The following KCTD17 variants were observed in gnomAD, a reference collection of about 807,000 sequenced individuals.
KCTD17 encodes BTB/POZ domain-containing protein KCTD17.
In KCTD17, 20 loss-of-function variants were observed where a neutral mutation model predicts 41.5. That is an observed-to-expected ratio of 0.48 (90% CI 0.34 to 0.70). KCTD17 has a LOEUF of 0.70. KCTD17 is among the 30% of genes least tolerant of loss of function. The pLI, the probability that KCTD17 is intolerant of heterozygous loss-of-function variation, is 0.01. For synonymous variants in KCTD17, 156 were observed against 173.8 expected, an observed-to-expected ratio of 0.90 and a Z score of 0.80; for missense variants, 317 against 427.2, an observed-to-expected ratio of 0.74 and a Z score of 2.27.
chr22:37,060,441 T>C (rs1399524042), intron 5 of KCTD17, among the ~76,000 whole-genome samples: 4 of 152,128 alleles, frequency 2.6e-5, no homozygotes, highest in Non-Finnish European at 5.9e-5. Flanking sequence ...GTGTCTGCCC[T>C]GGGGCTTCCT....
intron 2 of KCTD17, 136 bp from the exon 3 acceptor site, chr22:37,056,184 C>G (rs1411397895): frequency 1.5e-6 from 1 of 651,316 alleles, no homozygotes; most frequent in South Asian, 2.0e-5. Flanking sequence ...TACTTGACCC[C>G]TGAACTCACA....
chr22:37,062,365 C>A (rs1925893098), intron 8 of KCTD17, 160 bp from the exon 9 acceptor site: 1 of 985,028 alleles, frequency 1.0e-6, no homozygotes, highest in South Asian at 4.7e-5. Flanking sequence ...AGCCCCACCC[C>A]CTCCTCCAGA....
At chr22:37,059,214 T>C (rs1925486098) in intron 4 of KCTD17, 99 bp from the exon 5 acceptor site, 1 of 1,535,038 alleles carries the variant, frequency 6.5e-7, no homozygotes, top group Non-Finnish European at 8.9e-7. Flanking sequence ...GATTAGGACC[T>C]GAGCTGGTAT....
Position 37,061,372 on chromosome 22 carries a change from TG to T in KCTD17, c.785-166del. 1 of 1,474,666 alleles carries T rather than the reference TG, an allele frequency of 6.8e-7. No individual in the cohort carries two copies. The highest frequency in any genetic ancestry group is 9.0e-7 in the Non-Finnish European group (1 of 1,114,432). The allele number at this position is 1,474,666 out of a possible 1,614,324, so 91.3% of individuals were successfully genotyped here. A position where few individuals can be genotyped will look rare whatever the true frequency, so the allele number is the denominator to read the frequency against. ...CCAGAGCGTCCTGCCTGCCGCCTCCTGCGCCCCTTCTGGTACCTCCTGCCTC... is the reference window on the plus strand; with the variant it reads ...CCAGAGCGTCCTGCCTGCCGCCTCCTCGCCCCTTCTGGTACCTCCTGCCTC... On this transcript the variant is annotated intron_variant, in intron 7 of 8. Transcript: ENST00000403888. This position sits in a 1 kb window ranked among gnomAD's most constrained non-coding sequence, Gnocchi z 6.6.
In KCTD17 at chr22:37,061,809, T is replaced by TACC. The variant is rs571685472; in HGVS notation, c.875+182_875+184dup. 4.1e-5 allele frequency: 40 copies of TACC among 985,352 alleles called. No individual in the cohort carries two copies. The East Asian group carries it at 3.6e-3, about 90-fold the overall frequency. 61.0% of individuals were successfully genotyped at this position (985,352 alleles called of 1,614,324 possible). A position where few individuals can be genotyped will look rare whatever the true frequency, so the allele number is the denominator to read the frequency against. ...GAAAGTTAGGGAGTGGGAACTTTCCTACCAGCCCATCAGCACCAGAGCCAG... is the reference window on the plus strand; with the variant it reads ...GAAAGTTAGGGAGTGGGAACTTTCCTACCACCAGCCCATCAGCACCAGAGCCAG... On this transcript the variant is annotated intron_variant, in intron 8 of 8. Coordinates refer to ENST00000403888, the MANE Select transcript of KCTD17 (RefSeq NM_001282684.2). This position sits in a 1 kb window ranked among gnomAD's most constrained non-coding sequence, Gnocchi z 6.6.
In KCTD17 at chr22:37,053,036, G is replaced by A. The variant is rs191139650; in HGVS notation, c.190-64G>A. 5.4e-5 allele frequency: 70 copies of A among 1,294,440 alleles called. No homozygotes were observed. The African/African-American group carries it at 8.2e-4, about 15-fold the overall frequency. The allele number at this position is 1,294,440 out of a possible 1,614,324, so 80.2% of individuals were successfully genotyped here. ...CTCCACTCTCCTTCCCTCCCTGTGC[G>A]TGTGCGGGGTTGGCTGGGGAGAAGC... On this transcript the variant is annotated intron_variant, in intron 1 of 8. Transcript: ENST00000403888. This position sits in a 1 kb window ranked among gnomAD's most constrained non-coding sequence, Gnocchi z 4.1.
chr22:37,053,072 TCTCACCGAGCATCC>T lies in KCTD17; in HGVS notation c.190-21_190-8del, dbSNP rs1383963296. On this transcript the variant is annotated splice_polypyrimidine_tract_variant and intron_variant, in intron 1 of 8. Transcript: ENST00000403888. This position sits in a 1 kb window ranked among gnomAD's most constrained non-coding sequence, Gnocchi z 4.1. ...TGGCTGGGGAGAAGCCTCACTCTTC[TCTCACCGAGCATCC>T]CTCACCTCCATAGGATGAGACCGGG... The T allele has an allele frequency of 6.5e-7, 1 of 1,533,356 alleles. No homozygotes were observed. Among genetic ancestry groups the T allele is most frequent in the Non-Finnish European group, 8.9e-7 (1 of 1,127,686 alleles). The allele number at this position is 1,533,356 out of a possible 1,614,324, so 95.0% of individuals were successfully genotyped here. A position where few individuals can be genotyped will look rare whatever the true frequency, so the allele number is the denominator to read the frequency against.
chr22:37,061,020 G>C lies in KCTD17; in HGVS notation c.713-84G>C. On this transcript the variant is annotated intron_variant, in intron 6 of 8. Transcript: ENST00000403888. This position sits in a 1 kb window ranked among gnomAD's most constrained non-coding sequence, Gnocchi z 6.6. ...CTGCAGAACCGGGGGCCCCGGGGCT[G>C]CTGGGGGGGCACCAGGGTTAGCTCA... The C allele has an allele frequency of 6.5e-7, 1 of 1,548,980 alleles. No homozygotes were observed.
chr22:37,056,420 CA>C lies in KCTD17; in HGVS notation c.390+10del, dbSNP rs1227662799. ...ACTACACGGTCACCCAGGTCGGGAG[CA>C]GGGGCAGCACACACGGCCAGGGCAG... On this transcript the variant is annotated intron_variant, in intron 3 of 8. Transcript: ENST00000403888. 1 of 1,609,834 alleles carries C rather than the reference CA, an allele frequency of 6.2e-7. No individual in the cohort carries two copies. The highest frequency in any genetic ancestry group is 1.7e-5 in the Admixed American group (1 of 59,864).
At position 37,059,429 on chromosome 22, in the gene KCTD17, C is replaced by A. The variant is rs771250737; in HGVS notation, c.603C>A (p.Arg201=). The change falls in exon 5 of 9, where the codon CGC becomes CGA. Residue 201 remains arginine (R), a synonymous_variant. Transcript: ENST00000403888. ...TPNGLSSESS[R]KTKSTEEQLE... The stretch of plus-strand genomic sequence containing the variant: ...ACGGGCTGAGCTCAGAGTCCAGCCG[C>A]AAAACCAAGGTGAGCCCACCCGCCT... 4.3e-6 allele frequency: 7 copies of A among 1,609,382 alleles called. No homozygotes were observed. The Admixed American group carries it at 5.0e-5, about 12-fold the overall frequency.
At chr22:37,056,618 G>T (rs891163681) in intron 3 of KCTD17, among the ~76,000 whole-genome samples, 6 of 152,176 alleles carry the variant, frequency 3.9e-5, no homozygotes, top group African/African-American at 1.4e-4. Flanking sequence ...CTGGGGTTCA[G>T]TCCCTGTCTC....
At chr22:37,062,193 G>T in intron 8 of KCTD17, 2 of 985,310 alleles carry the variant, frequency 2.0e-6, no homozygotes, top group Non-Finnish European at 2.4e-6. Context: ...TCCCAGCCCT[G>T]AGCAACCCCC....
At position 37,061,277 on chromosome 22, in the gene KCTD17, C is replaced by T. The variant is rs931990059; in HGVS notation, c.784+102C>T. ...TCCGGGTTTTCTCTCTGCCTGCTCA[C>T]GCCTCCATCCCGGGTCTGCCCTGGT... On this transcript the variant is annotated intron_variant, in intron 7 of 8. Coordinates refer to ENST00000403888, the MANE Select transcript of KCTD17 (RefSeq NM_001282684.2). The surrounding 1 kb of genome is among the most constrained non-coding windows in gnomAD (Gnocchi z 6.6). 57 of 1,537,240 alleles carry T rather than the reference C, an allele frequency of 3.7e-5. No homozygotes were observed. The highest frequency in any genetic ancestry group is 1.7e-4 in the Middle Eastern group (1 of 5,974).
In KCTD17 at chr22:37,060,894, G is replaced by A. The variant is rs1329523086; in HGVS notation, c.684G>A (p.Val228=). The change falls in exon 6 of 9, where the codon GTG becomes GTA. Residue 228 remains valine (V), a synonymous_variant. Transcript: ENST00000403888. ...TGGAGGAGGTGGAGGTGGAACAGGTGCAGGTGGAGGCAGATGCACAGGAGA... is the reference window on the plus strand; with the variant it reads ...TGGAGGAGGTGGAGGTGGAACAGGTACAGGTGGAGGCAGATGCACAGGAGA... The part of the protein sequence containing the change: ...EEVEEVEVEQ[V]QVEADAQEKA... 1 of 1,541,876 alleles carries A rather than the reference G, an allele frequency of 6.5e-7. No homozygotes were observed. The highest frequency in any genetic ancestry group is 2.0e-5 in the Admixed American group (1 of 50,132).
Position 37,053,973 on chromosome 22 carries a change from C to T in KCTD17, c.298+765C>T, listed in dbSNP as rs1445673723. Among the ~76,000 whole-genome samples, 1 of 152,166 alleles carries T rather than the reference C, an allele frequency of 6.6e-6. No homozygotes were observed. Among genetic ancestry groups the T allele is most frequent in the African/African-American group, 2.4e-5 (1 of 41,426 alleles). ...CCAGACCAGCTTGAATATGTCACTTCTCCTCACTGCGTCTCCACTGGTATC... is the reference window on the plus strand; with the variant it reads ...CCAGACCAGCTTGAATATGTCACTTTTCCTCACTGCGTCTCCACTGGTATC... On this transcript the variant is annotated intron_variant, in intron 2 of 8. Transcript: ENST00000403888. The surrounding 1 kb of genome is among the most constrained non-coding windows in gnomAD (Gnocchi z 4.1).
At chr22:37,058,049 C>G (rs768449989) in intron 4 of KCTD17, among the ~76,000 whole-genome samples, 1 of 152,240 alleles carries the variant, frequency 6.6e-6, no homozygotes, top group African/African-American at 2.4e-5. Context: ...GTTTACCCAT[C>G]GGGAGATCCT....
In KCTD17 at chr22:37,051,963, G is replaced by A. The variant is rs1924532061; in HGVS notation, c.189+14G>A. 1 of 1,449,920 alleles carries A rather than the reference G, an allele frequency of 6.9e-7. No homozygotes were observed. Among genetic ancestry groups the A allele is most frequent in the Non-Finnish European group, 9.1e-7 (1 of 1,098,154 alleles). 89.8% of individuals were successfully genotyped at this position (1,449,920 alleles called of 1,614,324 possible). ...CAGTCGGACCGGGTGAGGCCCCCGG[G>A]GTGGGCGGCGAGCGGGCGGTGGGTC... On this transcript the variant is annotated intron_variant, in intron 1 of 8. Coordinates refer to ENST00000403888, the MANE Select transcript of KCTD17 (RefSeq NM_001282684.2).
chr22:37,058,605 G>A (rs1354678416), intron 4 of KCTD17, among the ~76,000 whole-genome samples: 1 of 152,214 alleles, frequency 6.6e-6, no homozygotes, highest in East Asian at 1.9e-4. Context: ...CCTTCAGCAG[G>A]CCTGAGATTC....
At chr22:37,057,162 T>C (rs932826944) in intron 3 of KCTD17, among the ~76,000 whole-genome samples, 1 of 152,278 alleles carries the variant, frequency 6.6e-6, no homozygotes, top group East Asian at 1.9e-4. Context: ...TGAGCCTCAA[T>C]GGAAAGTCCC....
Sources: gnomAD v4.1 joint callset for allele counts (sites outside exome capture counted in the v4.1 genomes callset) on GRCh38, gnomAD v4.1.1 for gene constraint, Gnocchi (gnomAD v3.1) non-coding constraint, MANE v1.5 for transcripts, NCBI Gene and HGNC (gene_info 2026-07-23, HGNC 2026-07-21) for gene names.